The following RTN1 variants were observed in gnomAD, a reference collection of about 807,000 sequenced individuals.
RTN1 encodes the protein reticulon-1.
In RTN1, 25 loss-of-function variants were observed where a neutral mutation model predicts 65.5. The observed-to-expected ratio is 0.38, with a 90% CI of 0.28 to 0.53. The LOEUF (loss-of-function observed/expected upper bound fraction) is 0.53, where lower values mean the gene tolerates loss of function less well. RTN1 is among the 20% of genes least tolerant of loss of function. The pLI, the probability that RTN1 is intolerant of heterozygous loss-of-function variation, is 0.79. For missense variants in RTN1, 983 were observed against 1,025.4 expected, an observed-to-expected ratio of 0.96 and a Z score of 0.57; for synonymous variants, 471 against 447.6, an observed-to-expected ratio of 1.05 and a Z score of -0.66.
chr14:59,704,669 T>A (rs1206323938), intron 3 of RTN1, among the ~76,000 whole-genome samples: 1 of 152,004 alleles, frequency 6.6e-6, no homozygotes, highest in Non-Finnish European at 1.5e-5. Flanking sequence ...GGAGAAACAA[T>A]CAAATTGCCA....
intron 4 of RTN1, chr14:59,606,126 A>ATATATATATATATATATATATC (rs66961672): frequency 2.4e-5 from 3 of 124,178 alleles, no homozygotes; most frequent in African/African-American, 1.2e-4. Context: ...ATATATATAT[A>ATATATATATATATATATATATC]TCATACCAGC....
intron 2 of RTN1, among the ~76,000 whole-genome samples, chr14:59,737,822 C>A (rs1885031356): frequency 6.6e-6 from 1 of 152,094 alleles, no homozygotes; most frequent in Non-Finnish European, 1.5e-5. Context: ...ACACATAGAC[C>A]AATGGACCAG....
rs898870462 is a variant in RTN1, at chr14:59,790,146, G to T, written c.242-43665C>A. On this transcript the variant is annotated intron_variant, in intron 1 of 8. Coordinates refer to ENST00000267484, the MANE Select transcript of RTN1 (RefSeq NM_021136.3). The surrounding 1 kb of genome is among the most constrained non-coding windows in gnomAD (Gnocchi z 4.1). ...CCTGAAATAATGACTTAGAAGAAAGGCTTCAAATAACCAGTCCAAGTTCAA... is the reference window on the plus strand; with the variant it reads ...CCTGAAATAATGACTTAGAAGAAAGTCTTCAAATAACCAGTCCAAGTTCAA... Among the ~76,000 whole-genome samples the T allele has an allele frequency of 6.6e-6, 1 of 152,072 alleles. No individual in the cohort carries two copies. The highest frequency in any genetic ancestry group is 2.4e-5 in the African/African-American group (1 of 41,420).
At position 59,749,276 on chromosome 14, in the gene RTN1, ATC is replaced by A. The variant is rs1351402545; in HGVS notation, c.242-2797_242-2796del. On this transcript the variant is annotated intron_variant, in intron 1 of 8. Transcript: ENST00000267484. ...TATATCTATATATATCTATATATAT[ATC>A]TATATATATCTATATATATCTATAT... Among the ~76,000 whole-genome samples the A allele has an allele frequency of 1.4e-4, 5 of 34,514 alleles. 1 individual carries two copies. In the East Asian group the frequency reaches 1.6e-3, roughly 11 times the overall value. 22.6% of individuals were successfully genotyped at this position (34,514 alleles called of 152,430 possible).
chr14:59,747,629 G>T (rs1405159165), intron 1 of RTN1, among the ~76,000 whole-genome samples: 1 of 151,426 alleles, frequency 6.6e-6, no homozygotes, highest in African/African-American at 2.5e-5. Context: ...AAAATAGTGA[G>T]CATAAAAGGA....
chr14:59,601,997 G>T (rs551447011), intron 8 of RTN1, among the ~76,000 whole-genome samples: 14 of 152,252 alleles, frequency 9.2e-5, no homozygotes, highest in African/African-American at 3.4e-4. Context: ...ATGTGTTGTA[G>T]ATCTCTCAAA....
At chr14:59,826,842 A>G (rs1887039666) in intron 1 of RTN1, among the ~76,000 whole-genome samples, 1 of 151,962 alleles carries the variant, frequency 6.6e-6, no homozygotes, top group South Asian at 2.1e-4. Context: ...TAGGGAAGAC[A>G]ATGAAAAATA....
chr14:59,843,243 T>C (rs906119643), intron 1 of RTN1, among the ~76,000 whole-genome samples: 1 of 152,238 alleles, frequency 6.6e-6, no homozygotes, highest in Non-Finnish European at 1.5e-5. Context: ...CTTTCTATGC[T>C]GTCCAAAGAC....
rs369802220 is a variant in RTN1 at position 59,611,474 on chromosome 14, C to T, written c.1766-3982G>A. Among the ~76,000 whole-genome samples, 47 of 152,200 alleles carry T rather than the reference C, an allele frequency of 3.1e-4. No homozygotes were observed. In the Middle Eastern group the frequency reaches 0.01, roughly 33 times the overall value. ...CCATGGTGGGGTGTCTGTCTGTAGC[C>T]CCATTGCAGGGTGTCCAGATTGGTG... On this transcript the variant is annotated intron_variant, in intron 3 of 8. Coordinates refer to ENST00000267484, the MANE Select transcript of RTN1 (RefSeq NM_021136.3).
chr14:59,816,054 C>T lies in RTN1; in HGVS notation c.241+54336G>A, dbSNP rs1886815118. ...CAGCCTTCCTGGATTAATCCCTACACCACATAGTTTATTCAACATCACCAA... is the reference window on the plus strand; with the variant it reads ...CAGCCTTCCTGGATTAATCCCTACATCACATAGTTTATTCAACATCACCAA... On this transcript the variant is annotated intron_variant, in intron 1 of 8. Coordinates refer to ENST00000267484, the MANE Select transcript of RTN1 (RefSeq NM_021136.3). This position sits in a 1 kb window ranked among gnomAD's most constrained non-coding sequence, Gnocchi z 4.3. 6.6e-6 allele frequency among the ~76,000 whole-genome samples: 1 copy of T among 152,192 alleles called. No homozygotes were observed. Among genetic ancestry groups the T allele is most frequent in the African/African-American group, 2.4e-5 (1 of 41,444 alleles).
chr14:59,727,540 C>G lies in RTN1; in HGVS notation c.1144G>C (p.Asp382His). The part of the protein sequence containing the change: ...ENPRPVGQLA[D>H]RPEVKARSGP... ...GACCTGGCCTTGACCTCGGGCCTGT[C>G]GGCCAGCTGGCCCACCGGCCGTGGG... Residue 382 changes from aspartate to histidine, a missense_variant, in exon 3 of 9, where the codon GAC (aspartate) becomes CAC (histidine). Physicochemically the swap from Asp to His is moderately conservative, Grantham distance 81. Coordinates refer to ENST00000267484, the MANE Select transcript of RTN1 (RefSeq NM_021136.3). This position sits in a 1 kb window ranked among gnomAD's most constrained non-coding sequence, Gnocchi z 4.2. The G allele has an allele frequency of 6.2e-7, 1 of 1,609,548 alleles. No homozygotes were observed. Among genetic ancestry groups the G allele is most frequent in the Middle Eastern group, 1.7e-4 (1 of 6,056 alleles).
intron 1 of RTN1, among the ~76,000 whole-genome samples, chr14:59,862,930 T>C (rs1302841286): frequency 2.6e-5 from 4 of 152,150 alleles, no homozygotes; most frequent in Non-Finnish European, 5.9e-5. Context: ...ATTGATAAAA[T>C]AGAAGCAGTT....
intron 3 of RTN1, among the ~76,000 whole-genome samples, chr14:59,682,089 A>G (rs968716064): frequency 2.0e-5 from 3 of 152,144 alleles, no homozygotes; most frequent in Non-Finnish European, 2.9e-5. Context: ...GCTCCTTCCC[A>G]TCTCCCCATC....
chr14:59,703,068 TTC>T (rs1233559053), intron 3 of RTN1, among the ~76,000 whole-genome samples: 1 of 152,132 alleles, frequency 6.6e-6, no homozygotes, highest in Non-Finnish European at 1.5e-5. Context: ...CTTCAATGAG[TTC>T]TCTCTCCCTT....
chr14:59,682,237 C>T (rs947838268), intron 3 of RTN1, among the ~76,000 whole-genome samples: 1 of 152,204 alleles, frequency 6.6e-6, no homozygotes, highest in Admixed American at 6.5e-5. Flanking sequence ...CTCACCTGCT[C>T]CATATTTCAA....
At chr14:59,701,330 A>G (rs1410344317) in intron 3 of RTN1, among the ~76,000 whole-genome samples, 1 of 152,210 alleles carries the variant, frequency 6.6e-6, no homozygotes, top group Non-Finnish European at 1.5e-5. Context: ...TATATACCCA[A>G]GATAACTGAG....
Position 59,745,981 on chromosome 14 carries a change from T to C in RTN1, c.742A>G (p.Lys248Glu). The C allele has an allele frequency of 6.2e-7, 1 of 1,614,182 alleles. No homozygotes were observed. Among genetic ancestry groups the C allele is most frequent in the Non-Finnish European group, 8.5e-7 (1 of 1,180,028 alleles). ...TCCAATAAATGGTCCTTGATGATTT[T>C]TCCCTCCACAGGAGCTGGTTTGTCA... ...EPDKPAPVEG[K>E]IIKDHLLEES... is the part of the protein sequence containing the mutation. The change falls in exon 2 of 9, where the codon AAA (lysine) becomes GAA (glutamate). Residue 248 changes from lysine (K) to glutamate (E), a missense_variant. Lys to Glu is a moderately conservative substitution (Grantham distance 56, BLOSUM62 1). Coordinates refer to ENST00000267484, the MANE Select transcript of RTN1 (RefSeq NM_021136.3).
chr14:59,771,678 C>T (rs1217354565), intron 1 of RTN1, among the ~76,000 whole-genome samples: 1 of 152,160 alleles, frequency 6.6e-6, no homozygotes, highest in Non-Finnish European at 1.5e-5. Flanking sequence ...AGGCTGTATC[C>T]ACCATAAATT....
At chr14:59,824,677 G>A (rs1886999897) in intron 1 of RTN1, among the ~76,000 whole-genome samples, 1 of 152,182 alleles carries the variant, frequency 6.6e-6, no homozygotes, top group Non-Finnish European at 1.5e-5. Context: ...TATTCAAGAG[G>A]TCGCTGGGGT....
Sources: allele counts gnomAD v4.1 joint callset (sites outside exome capture counted in the v4.1 genomes callset), GRCh38; gene constraint gnomAD v4.1.1; non-coding constraint Gnocchi (gnomAD v3.1); transcripts MANE v1.5; gene names NCBI Gene and HGNC (gene_info 2026-07-23, HGNC 2026-07-21).